The following ZNF800 variants were observed in gnomAD, a reference collection of about 807,000 sequenced individuals.
ZNF800 encodes zinc finger protein 800.
A neutral mutation model predicts 59.5 loss-of-function variants in ZNF800; 13 were observed. The ratio of observed to expected loss-of-function variants is 0.22; its 90% confidence interval spans 0.14 to 0.35. The LOEUF is 0.35. ZNF800 is among the 10% of genes least tolerant of loss of function. The pLI is 1.00. For synonymous variants in ZNF800, 266 were observed against 265.7 expected (o/e 1.00, Z -0.01); for missense variants, 621 against 783.7 (o/e 0.79, Z 2.48).
downstream of ZNF800, among the ~76,000 whole-genome samples, chr7:127,343,749 A>G (rs1383805320): frequency 6.6e-6 from 1 of 152,076 alleles, no homozygotes; most frequent in Non-Finnish European, 1.5e-5. Flanking sequence ...AATTGAGTTC[A>G]ACATTGTTAC....
intron 1 of ZNF800, among the ~76,000 whole-genome samples, chr7:127,353,857 A>C (rs971337946): frequency 2.1e-5 from 3 of 141,428 alleles, no homozygotes; most frequent in East Asian, 2.1e-4. Flanking sequence ...AAAAAAAAAA[A>C]CCCAGAATGA....
At chr7:127,379,267 G>T (rs541402675) in intron 3 of ZNF800, among the ~76,000 whole-genome samples, 1 of 152,162 alleles carries the variant, frequency 6.6e-6, no homozygotes, top group South Asian at 2.1e-4. Flanking sequence ...ACTATGAGAG[G>T]TAGACTGATT....
At chr7:127,385,143 C>G (rs1382644347) in intron 3 of ZNF800, among the ~76,000 whole-genome samples, 1 of 152,188 alleles carries the variant, frequency 6.6e-6, no homozygotes, top group African/African-American at 2.4e-5. Context: ...AAAATCTCAT[C>G]AATACAAAAC....
chr7:127,385,568 C>T (rs539829577), intron 3 of ZNF800, among the ~76,000 whole-genome samples: 3 of 152,192 alleles, frequency 2.0e-5, no homozygotes, highest in Non-Finnish European at 4.4e-5. Context: ...TTCTATCTTG[C>T]GCTCTATTAA....
downstream of ZNF800, among the ~76,000 whole-genome samples, chr7:127,366,943 G>A (rs1182751988): frequency 1.3e-5 from 2 of 152,144 alleles, no homozygotes; most frequent in African/African-American, 2.4e-5. Flanking sequence ...AAGCTGTACA[G>A]AAGGGGAAAG....
chr7:127,379,453 T>C (rs567618973), intron 3 of ZNF800, among the ~76,000 whole-genome samples: 1 of 152,258 alleles, frequency 6.6e-6, no homozygotes, highest in African/African-American at 2.4e-5. Context: ...TCAAAAAAGA[T>C]TGAAGAGGAA....
chr7:127,387,352 G>C (rs1416483587), intron 2 of ZNF800, among the ~76,000 whole-genome samples: 1 of 152,184 alleles, frequency 6.6e-6, no homozygotes, highest in African/African-American at 2.4e-5. Flanking sequence ...GAAATGAAGG[G>C]TGATTTCAAC....
intron 1 of ZNF800, chr7:127,360,034 G>GA (rs1175608281): frequency 1.3e-5 from 2 of 152,054 alleles, no homozygotes; most frequent in Non-Finnish European, 2.9e-5. Flanking sequence ...GCTGGAACTG[G>GA]AAAATCTCAG....
intron 3 of ZNF800, among the ~76,000 whole-genome samples, chr7:127,379,920 T>C (rs1800924732): frequency 7.5e-6 from 1 of 133,690 alleles, no homozygotes; most frequent in Non-Finnish European, 1.5e-5. Flanking sequence ...GTGTGTATCG[T>C]TGATCCAAGC....
At chr7:127,348,856 T>C (rs1269973038) in intron 1 of ZNF800, among the ~76,000 whole-genome samples, 5 of 152,348 alleles carry the variant, frequency 3.3e-5, no homozygotes, top group Middle Eastern at 3.4e-3. Context: ...TTTATGAAAA[T>C]CTTTCTTTTC....
At chr7:127,386,582 T>G (rs549973008) in intron 2 of ZNF800, among the ~76,000 whole-genome samples, 3 of 152,360 alleles carry the variant, frequency 2.0e-5, no homozygotes, top group East Asian at 3.9e-4. Context: ...TAATCTGGTA[T>G]AACTCTGGAT....
At position 127,373,401 on chromosome 7, in the gene ZNF800, G is replaced by T; in HGVS notation, c.1935C>A (p.Ser645=). The change falls in exon 5 of 6, where the codon TCC becomes TCA. Residue 645 remains serine, a synonymous_variant. Coordinates refer to ENST00000265827, the MANE Select transcript of ZNF800 (RefSeq NM_176814.5). ...TGGTTTTGTTTCCTTCAGGTGAATT[G>T]GAAGCATTTGCCTTATGAGTTTTCT... ...HHKKTHKANA[S]NSPEGNKTKG... 6.2e-7 allele frequency: 1 copy of T among 1,612,998 alleles called. No homozygotes were observed. The highest frequency in any genetic ancestry group is 8.5e-7 in the Non-Finnish European group (1 of 1,179,452).
At chr7:127,344,872 A>G (rs1800029006), downstream of ZNF800, among the ~76,000 whole-genome samples, 1 of 152,182 alleles carries the variant, frequency 6.6e-6, no homozygotes, top group Non-Finnish European at 1.5e-5. Flanking sequence ...TCAAATCTGA[A>G]AAAATGAAAT....
intron 1 of ZNF800, among the ~76,000 whole-genome samples, chr7:127,348,938 C>A (rs1800121647): frequency 6.6e-6 from 1 of 152,140 alleles, no homozygotes; most frequent in Non-Finnish European, 1.5e-5. Flanking sequence ...GTTTATCTTC[C>A]TCAAAAGTTC....
At chr7:127,385,632 A>G (rs62468918) in intron 3 of ZNF800, among the ~76,000 whole-genome samples, 1 of 152,128 alleles carries the variant, frequency 6.6e-6, no homozygotes, top group Non-Finnish European at 1.5e-5. Flanking sequence ...TGATCACACA[A>G]ACATAAATAA....
In ZNF800 at chr7:127,374,005, G is replaced by C; in HGVS notation, c.1331C>G (p.Pro444Arg). ...TNHSNEKKNT[P>R]AAQKNKVKQD... ...TTTAACTTTATTTTTCTGTGCTGCCGGTGTGTTCTTTTTTTCATTTGAATG... is the reference window on the plus strand; with the variant it reads ...TTTAACTTTATTTTTCTGTGCTGCCCGTGTGTTCTTTTTTTCATTTGAATG... The change falls in exon 5 of 6, where the codon CCG (proline) becomes CGG (arginine). Residue 444 changes from proline (P) to arginine (R), a missense_variant. Around this residue, in one of 7 missense-constraint regions of ZNF800, gnomAD observed 185 missense variants for 177.6 expected, o/e 1.04. Transcript: ENST00000265827. 1.9e-6 allele frequency: 3 copies of C among 1,613,864 alleles called. No individual in the cohort carries two copies. The highest frequency in any genetic ancestry group is 2.5e-6 in the Non-Finnish European group (3 of 1,179,966).
At chr7:127,349,122 G>A (rs550794275) in intron 1 of ZNF800, among the ~76,000 whole-genome samples, 3 of 151,994 alleles carry the variant, frequency 2.0e-5, no homozygotes, top group Non-Finnish European at 4.4e-5. Context: ...TTCCAGACTT[G>A]GGAACACACA....
At chr7:127,384,689 C>CA (rs1022314465) in intron 3 of ZNF800, among the ~76,000 whole-genome samples, 1 of 151,326 alleles carries the variant, frequency 6.6e-6, no homozygotes, top group African/African-American at 2.4e-5. Flanking sequence ...GAGAAAGAAC[C>CA]AAAAAAACCC....
intron 4 of ZNF800, among the ~76,000 whole-genome samples, chr7:127,376,185 G>C (rs924355648): frequency 2.0e-5 from 3 of 151,856 alleles, no homozygotes; most frequent in South Asian, 2.1e-4. Context: ...TATAAAATTT[G>C]TATTTAATCA....
Sources: allele counts gnomAD v4.1 joint callset (sites outside exome capture counted in the v4.1 genomes callset), GRCh38; gene constraint gnomAD v4.1.1; regional missense constraint gnomAD v4.1.1; transcripts MANE v1.5; gene names NCBI Gene and HGNC (gene_info 2026-07-23, HGNC 2026-07-21).